The following ITSN1 variants were observed in gnomAD, a reference collection of about 807,000 sequenced individuals.
The protein encoded by ITSN1 is intersectin 1.
Under a neutral mutation model 239.8 loss-of-function variants are expected in ITSN1, and 58 were observed. The observed-to-expected ratio is 0.24, with a 90% CI of 0.20 to 0.30. ITSN1 has a LOEUF of 0.30. Ranked by LOEUF, ITSN1 falls within the 10% of genes least tolerant of loss-of-function variation. ITSN1 has a pLI of 1.00. For synonymous variants in ITSN1, 780 were observed against 770.8 expected (o/e 1.01, Z -0.20); for missense variants, 1,558 against 2,103.3 (o/e 0.74, Z 5.07).
chr21:33,783,104 T>A (rs535382416), intron 16 of ITSN1, among the ~76,000 whole-genome samples: 1 of 152,336 alleles, frequency 6.6e-6, no homozygotes, highest in East Asian at 1.9e-4. Context: ...CTACTTTAGA[T>A]GTATGTAGAT....
At position 33,886,290 on chromosome 21, in the gene ITSN1, A is replaced by G. The variant is rs771953471; in HGVS notation, c.4847A>G (p.Lys1616Arg). 6.2e-7 allele frequency: 1 copy of G among 1,613,886 alleles called. No individual in the cohort carries two copies. Among genetic ancestry groups the G allele is most frequent in the Non-Finnish European group, 8.5e-7 (1 of 1,179,950 alleles). Residue 1616 changes from lysine to arginine, a missense_variant, in exon 39 of 40, where the codon AAG becomes AGG. Physicochemically the swap from Lys to Arg is conservative, Grantham distance 26 (BLOSUM62 2). Coordinates refer to ENST00000381318, the MANE Select transcript of ITSN1 (RefSeq NM_003024.3). ...CGAAGGCTTTTGTTCCCTCCAGGAA[A>G]GAGCAACCCGTACTGTGAGGTGACC... ...IELKPCRSHG[K>R]SNPYCEVTMG...
intron 8 of ITSN1, among the ~76,000 whole-genome samples, chr21:33,759,062 G>A (rs368679048): frequency 6.6e-6 from 1 of 152,208 alleles, no homozygotes; most frequent in East Asian, 1.9e-4. Context: ...TCTAGTGTGG[G>A]GATTGGCAAA....
At chr21:33,826,181 C>T (rs2073960818) in intron 25 of ITSN1, among the ~76,000 whole-genome samples, 1 of 152,156 alleles carries the variant, frequency 6.6e-6, no homozygotes, top group African/African-American at 2.4e-5. Flanking sequence ...AAGAAATATG[C>T]TCTGCCTCTA....
chr21:33,885,400 G>A (rs765358433), intron 37 of ITSN1, 39 bp from the exon 38 acceptor site: 14 of 1,568,698 alleles, frequency 8.9e-6, no homozygotes, highest in South Asian at 4.4e-5. Context: ...GGTGTGGCAC[G>A]TTCAAATGAA....
At chr21:33,644,931 C>G (rs962403566) in intron 1 of ITSN1, among the ~76,000 whole-genome samples, 1 of 151,870 alleles carries the variant, frequency 6.6e-6, no homozygotes, top group Non-Finnish European at 1.5e-5. Context: ...CAGTGATCTT[C>G]CCACCCCAGC....
intron 4 of ITSN1, among the ~76,000 whole-genome samples, chr21:33,725,824 G>A (rs541327025): frequency 5.6e-4 from 85 of 152,264 alleles, no homozygotes; most frequent in African/African-American, 2.0e-3. Flanking sequence ...TCTTTGAAAA[G>A]TCATTGGAAA....
chr21:33,837,164 C>T lies in ITSN1; in HGVS notation c.3661+532C>T, dbSNP rs538447948. 320 of 1,363,314 alleles carry T rather than the reference C, an allele frequency of 2.3e-4. 1 individual carries two copies. Among genetic ancestry groups the T allele is most frequent in the Non-Finnish European group, 2.9e-4 (309 of 1,059,124 alleles). The allele number at this position is 1,363,314 out of a possible 1,614,324, so 84.5% of individuals were successfully genotyped here. Reference sequence around the variant, plus strand: ...CTGCAGAGCAGTTTACCTCATTTTACCTTAGTTGCATGTGATCGCAATGTT... The same window carrying T: ...CTGCAGAGCAGTTTACCTCATTTTATCTTAGTTGCATGTGATCGCAATGTT... On this transcript the variant is annotated intron_variant, in intron 29 of 39. Coordinates refer to ENST00000381318, the MANE Select transcript of ITSN1 (RefSeq NM_003024.3).
intron 24 of ITSN1, 27 bp from the exon 25 acceptor site, chr21:33,823,460 C>G (rs779180761): frequency 1.2e-6 from 2 of 1,602,698 alleles, no homozygotes; most frequent in South Asian, 2.2e-5. Context: ...CAAGCTCTCT[C>G]CGTATCTCAA....
At chr21:33,808,837 G>A (rs2072674486) in intron 20 of ITSN1, among the ~76,000 whole-genome samples, 1 of 152,168 alleles carries the variant, frequency 6.6e-6, no homozygotes, top group African/African-American at 2.4e-5. Flanking sequence ...TTGACACTAA[G>A]TTATTGTGTG....
At chr21:33,794,305 A>G (rs2071370975) in intron 16 of ITSN1, 36 bp from the exon 17 acceptor site, 3 of 1,476,276 alleles carry the variant, frequency 2.0e-6, no homozygotes, top group South Asian at 1.2e-5. Context: ...CCTGTCACTC[A>G]TGTCGCTACA....
intron 29 of ITSN1, among the ~76,000 whole-genome samples, chr21:33,856,191 C>T (rs969943342): frequency 3.3e-5 from 5 of 152,218 alleles, no homozygotes; most frequent in Non-Finnish European, 7.3e-5. Context: ...TTTGGCCAAT[C>T]GTCATTGAGT....
intron 8 of ITSN1, among the ~76,000 whole-genome samples, chr21:33,756,061 G>C (rs773362186): frequency 2.6e-5 from 4 of 152,096 alleles, no homozygotes; most frequent in Non-Finnish European, 5.9e-5. Flanking sequence ...CCCAATCCCA[G>C]CCCTTTGGGA....
intron 33 of ITSN1, among the ~76,000 whole-genome samples, chr21:33,867,899 G>A (rs1309399969): frequency 3.3e-5 from 5 of 152,158 alleles, no homozygotes; most frequent in African/African-American, 7.2e-5. Flanking sequence ...CGCGTCTGGA[G>A]TTGTTCGTTC....
At chr21:33,702,336 C>A (rs529028427) in intron 1 of ITSN1, among the ~76,000 whole-genome samples, 1 of 151,934 alleles carries the variant, frequency 6.6e-6, no homozygotes, top group Non-Finnish European at 1.5e-5. Context: ...AGGCTGGTCT[C>A]GAACACCTGA....
chr21:33,829,408 G>C (rs1602488268), intron 26 of ITSN1: 5 of 571,652 alleles, frequency 8.7e-6, no homozygotes, highest in South Asian at 8.4e-5. Flanking sequence ...GCAGCCCACT[G>C]AGGGCTCAAG....
chr21:33,706,203 G>A (rs2092242372), intron 1 of ITSN1, among the ~76,000 whole-genome samples: 1 of 151,968 alleles, frequency 6.6e-6, no homozygotes, highest in African/African-American at 2.4e-5. Flanking sequence ...ATTTTTAGTA[G>A]AGATGGGGTT....
At chr21:33,697,552 G>A (rs1039482296) in intron 1 of ITSN1, among the ~76,000 whole-genome samples, 1 of 151,850 alleles carries the variant, frequency 6.6e-6, no homozygotes, top group African/African-American at 2.4e-5. Flanking sequence ...GAGAGGACTG[G>A]AAAGTATGTG....
chr21:33,723,343 G>A (rs1009669252), intron 4 of ITSN1, among the ~76,000 whole-genome samples: 7 of 152,156 alleles, frequency 4.6e-5, no homozygotes, highest in South Asian at 2.1e-4. Flanking sequence ...GGCTGGGCGC[G>A]GTGGCTCATG....
chr21:33,884,148 C>T (rs1029668130), intron 36 of ITSN1, among the ~76,000 whole-genome samples: 2 of 152,002 alleles, frequency 1.3e-5, no homozygotes, highest in Non-Finnish European at 2.9e-5. Context: ...GGGATCCACC[C>T]GCCTTGGCCT....
Sources: gnomAD v4.1 joint callset for allele counts (sites outside exome capture counted in the v4.1 genomes callset) on GRCh38, gnomAD v4.1.1 for gene constraint, MANE v1.5 for transcripts, NCBI Gene and HGNC (gene_info 2026-07-23, HGNC 2026-07-21) for gene names.